RASGRF2: variants seen among roughly 807,000 people sequenced by gnomAD.
RASGRF2 encodes ras-specific guanine nucleotide-releasing factor 2.
RASGRF2 carries 76 observed loss-of-function variants against 151.0 expected under a neutral mutation model. The ratio of observed to expected loss-of-function variants is 0.50; its 90% CI spans 0.42 to 0.61. The LOEUF (loss-of-function observed/expected upper bound fraction) is 0.61, where lower values mean the gene tolerates loss of function less well. Ranked by LOEUF, RASGRF2 falls within the 20% of genes least tolerant of loss-of-function variation. RASGRF2 has a pLI of 0.00. For missense variants in RASGRF2, 1,148 were observed against 1,564.6 expected, an observed-to-expected ratio of 0.73 and a Z score of 4.49; for synonymous variants, 504 against 566.5, an observed-to-expected ratio of 0.89 and a Z score of 1.57.
intron 1 of RASGRF2, among the ~76,000 whole-genome samples, chr5:81,007,269 T>C (rs779112832): frequency 6.6e-6 from 1 of 152,216 alleles, no homozygotes. Context: ...AGTTTCTGAT[T>C]GTGGTTTCAA....
chr5:81,198,652 G>C (rs530520255), intron 18 of RASGRF2, among the ~76,000 whole-genome samples: 1 of 152,148 alleles, frequency 6.6e-6, no homozygotes, highest in Non-Finnish European at 1.5e-5. Flanking sequence ...TGTTAGCCAG[G>C]ATGGTCTCGA....
chr5:81,144,138 A>T (rs966847498), intron 17 of RASGRF2, among the ~76,000 whole-genome samples: 3 of 152,248 alleles, frequency 2.0e-5, no homozygotes, highest in African/African-American at 7.2e-5. Context: ...GTAAAATTTC[A>T]TCAGCCTCAT....
intron 1 of RASGRF2, among the ~76,000 whole-genome samples, chr5:81,031,698 G>A (rs545433342): frequency 5.3e-5 from 8 of 152,104 alleles, no homozygotes; most frequent in Admixed American, 1.3e-4. Flanking sequence ...GAGAAAGCAG[G>A]AAAGATCTAA....
chr5:81,020,728 A>G (rs945209378), intron 1 of RASGRF2, among the ~76,000 whole-genome samples: 1 of 152,248 alleles, frequency 6.6e-6, no homozygotes, highest in Non-Finnish European at 1.5e-5. Context: ...AAGTCCAGCA[A>G]GAATCTGTAG....
chr5:81,043,302 A>G (rs985485411), intron 2 of RASGRF2, among the ~76,000 whole-genome samples: 3 of 152,214 alleles, frequency 2.0e-5, no homozygotes, highest in African/African-American at 7.2e-5. Flanking sequence ...TCTGTCAACA[A>G]TCGGCAAGAG....
chr5:81,184,479 C>G (rs1754982554), intron 18 of RASGRF2, among the ~76,000 whole-genome samples: 1 of 152,188 alleles, frequency 6.6e-6, no homozygotes, highest in African/African-American at 2.4e-5. Flanking sequence ...ACCGTATTGA[C>G]CAACCAATTC....
At position 81,092,801 on chromosome 5, in the gene RASGRF2, G is replaced by A; in HGVS notation, c.1391G>A (p.Gly464Asp). The A allele has an allele frequency of 6.2e-7, 1 of 1,609,814 alleles. No individual in the cohort carries two copies. The highest frequency in any genetic ancestry group is 8.5e-7 in the Non-Finnish European group (1 of 1,178,184). The change falls in exon 10 of 27, where the codon GGT (glycine) becomes GAT (aspartate). Residue 464 changes from glycine to aspartate, a missense_variant and splice_region_variant. By Grantham distance (94) the Gly-to-Asp change is moderately conservative. Transcript: ENST00000265080. ...LDTSQTFIRQ[G>D]SLIQVPSVER... ...TATTCTTCATTTTTGTAATCACCAG[G>A]TTCTCTTATTCAAGTACCTTCCGTT...
intron 1 of RASGRF2, among the ~76,000 whole-genome samples, chr5:80,982,395 A>G (rs934575146): frequency 2.6e-5 from 4 of 151,938 alleles, no homozygotes; most frequent in Non-Finnish European, 1.5e-5. Flanking sequence ...GGAGGGTTAC[A>G]GGAACATCTG....
intron 1 of RASGRF2, 43 bp downstream of exon 1, chr5:80,961,069 C>A: frequency 7.1e-7 from 1 of 1,406,244 alleles, no homozygotes; most frequent in Middle Eastern, 2.7e-4. Context: ...CCTTGATCGC[C>A]GCACTCCCTT....
chr5:81,097,862 G>A (rs1752590304), intron 12 of RASGRF2, among the ~76,000 whole-genome samples: 1 of 152,214 alleles, frequency 6.6e-6, no homozygotes, highest in South Asian at 2.1e-4. Flanking sequence ...AGGGGCTTTG[G>A]CTTATACTCA....
chr5:81,094,111 G>A (rs1752469995), intron 10 of RASGRF2, among the ~76,000 whole-genome samples, 185 bp from the exon 11 acceptor site: 1 of 152,154 alleles, frequency 6.6e-6, no homozygotes, highest in Admixed American at 6.5e-5. Flanking sequence ...GGATTTTACT[G>A]AAGTTAAATG....
chr5:81,157,493 G>T (rs1214187641), intron 17 of RASGRF2, among the ~76,000 whole-genome samples: 1 of 152,074 alleles, frequency 6.6e-6, no homozygotes, highest in Non-Finnish European at 1.5e-5. Context: ...CTTAATATTT[G>T]TTAAGATGGA....
chr5:80,998,980 G>C (rs1186311370), intron 1 of RASGRF2, among the ~76,000 whole-genome samples: 2 of 152,094 alleles, frequency 1.3e-5, no homozygotes, highest in African/African-American at 4.8e-5. Context: ...CTTGGTCCCT[G>C]GGGCTTAGAG....
chr5:81,038,016 T>C (rs553482596), intron 1 of RASGRF2, among the ~76,000 whole-genome samples: 1 of 152,330 alleles, frequency 6.6e-6, no homozygotes, highest in South Asian at 2.1e-4. Context: ...TTGCTCAACA[T>C]TGAGTTGGTT....
intron 4 of RASGRF2, among the ~76,000 whole-genome samples, chr5:81,071,716 C>T (rs1052150070): frequency 6.6e-6 from 1 of 151,756 alleles, no homozygotes; most frequent in African/African-American, 2.4e-5. Context: ...TAAAAAAAAT[C>T]CCATCTAGTC....
chr5:80,978,053 T>C (rs570359092), intron 1 of RASGRF2, among the ~76,000 whole-genome samples: 1 of 152,338 alleles, frequency 6.6e-6, no homozygotes, highest in East Asian at 1.9e-4. Context: ...TGAAAGAGTT[T>C]CTTTGTCATG....
At chr5:81,167,791 A>AACAATGAC (rs1327914405) in intron 17 of RASGRF2, among the ~76,000 whole-genome samples, 1 of 152,174 alleles carries the variant, frequency 6.6e-6, no homozygotes, top group African/African-American at 2.4e-5. Context: ...AGCATGACTG[A>AACAATGAC]ACAATGACGG....
chr5:81,058,736 G>A (rs565933225), intron 2 of RASGRF2, among the ~76,000 whole-genome samples: 21 of 134,816 alleles, frequency 1.6e-4, no homozygotes, highest in East Asian at 2.2e-4. Context: ...CTGAGAGGCC[G>A]CTGTACTCCA....
At chr5:81,124,485 T>A (rs1753398463) in intron 16 of RASGRF2, among the ~76,000 whole-genome samples, 1 of 152,202 alleles carries the variant, frequency 6.6e-6, no homozygotes, top group East Asian at 1.9e-4. Context: ...GTAGTCTGTA[T>A]AAGTGGACTC....
Sources: allele counts gnomAD v4.1 joint callset (sites outside exome capture counted in the v4.1 genomes callset), GRCh38; gene constraint gnomAD v4.1.1; transcripts MANE v1.5; gene names NCBI Gene and HGNC (gene_info 2026-07-23, HGNC 2026-07-21).